Variants in AFG1L observed in about 807,000 individuals in gnomAD.
AFG1L encodes the protein AFG1 like ATPase.
In AFG1L, 53 loss-of-function variants were observed where a neutral mutation model predicts 62.2. The observed-to-expected ratio is 0.85, with a 90% CI of 0.68 to 1.07. AFG1L has a LOEUF of 1.07. Ranked by LOEUF, AFG1L falls within the 50% of genes least tolerant of loss-of-function variation. AFG1L has a pLI of 0.00. For missense variants in AFG1L, 555 were observed against 590.5 expected (o/e 0.94, Z 0.62); for synonymous variants, 228 against 210.3 (o/e 1.08, Z -0.73).
At position 108,324,641 on chromosome 6, in the gene AFG1L, G is replaced by A. The variant is rs559080834; in HGVS notation, c.363+593G>A. On this transcript the variant is annotated intron_variant, in intron 2 of 12. Coordinates refer to ENST00000368977, the MANE Select transcript of AFG1L (RefSeq NM_145315.5). Reference sequence around the variant, plus strand: ...GCAACTCACAACCCTGCATTCTGCCGACACCGCCTTGCTCTTGCCCTTAGC... The same window carrying A: ...GCAACTCACAACCCTGCATTCTGCCAACACCGCCTTGCTCTTGCCCTTAGC... Among the ~76,000 whole-genome samples the A allele has an allele frequency of 1.9e-4, 29 of 151,598 alleles. 1 individual carries two copies. The highest frequency in any genetic ancestry group is 1.2e-3 in the Admixed American group (19 of 15,228).
chr6:108,441,193 A>G (rs548853377), intron 7 of AFG1L, among the ~76,000 whole-genome samples: 1 of 152,346 alleles, frequency 6.6e-6, no homozygotes, highest in East Asian at 1.9e-4. Flanking sequence ...TAGAAGCTAT[A>G]TAAAGTTATT....
At chr6:108,421,114 CAA>C (rs1256343603) in intron 7 of AFG1L, among the ~76,000 whole-genome samples, 1 of 151,958 alleles carries the variant, frequency 6.6e-6, no homozygotes, top group South Asian at 2.1e-4. Flanking sequence ...AACTTTAATC[CAA>C]TAAACATTTC....
intron 7 of AFG1L, among the ~76,000 whole-genome samples, chr6:108,413,805 A>C (rs1056390097): frequency 6.6e-6 from 1 of 152,216 alleles, no homozygotes; most frequent in African/African-American, 2.4e-5. Context: ...AAATGCCCAC[A>C]AGAGAAAGCA....
At chr6:108,452,345 C>T (rs1772090887) in intron 8 of AFG1L, among the ~76,000 whole-genome samples, 7 of 152,150 alleles carry the variant, frequency 4.6e-5, no homozygotes, top group Admixed American at 4.6e-4. Flanking sequence ...TATTGTGAAG[C>T]GTTACTGGTT....
chr6:108,395,928 G>A (rs1259531451), intron 6 of AFG1L, among the ~76,000 whole-genome samples: 3 of 152,080 alleles, frequency 2.0e-5, no homozygotes, highest in African/African-American at 7.2e-5. Flanking sequence ...CTGCAACCTC[G>A]ACATACAGGG....
chr6:108,476,110 C>A (rs1773094211), intron 8 of AFG1L, among the ~76,000 whole-genome samples: 2 of 151,714 alleles, frequency 1.3e-5, no homozygotes, highest in African/African-American at 4.8e-5. Context: ...ATTTACCACC[C>A]CTCTTAAAAA....
At chr6:108,302,620 G>A (rs1465243822) in intron 1 of AFG1L, among the ~76,000 whole-genome samples, 1 of 152,052 alleles carries the variant, frequency 6.6e-6, no homozygotes, top group Non-Finnish European at 1.5e-5. Context: ...CCCTGGGCAC[G>A]GACTGTGTAG....
intron 7 of AFG1L, among the ~76,000 whole-genome samples, chr6:108,437,679 G>A (rs566833353): frequency 2.0e-5 from 3 of 152,228 alleles, no homozygotes; most frequent in South Asian, 4.1e-4. Flanking sequence ...GACTAAATAC[G>A]TAAAGGAAAT....
chr6:108,339,458 AT>A (rs538205129), intron 2 of AFG1L, among the ~76,000 whole-genome samples: 3,462 of 132,398 alleles, frequency 0.026, 44 homozygotes, highest in Middle Eastern at 0.064. Context: ...AATTCTTTAA[AT>A]TTTTTTTTTT....
chr6:108,471,753 A>T (rs1388296305), intron 8 of AFG1L, among the ~76,000 whole-genome samples: 1 of 152,132 alleles, frequency 6.6e-6, no homozygotes, highest in Non-Finnish European at 1.5e-5. Context: ...ATTTGAAAAC[A>T]TGCTGCCTCC....
intron 2 of AFG1L, among the ~76,000 whole-genome samples, chr6:108,331,885 A>AC (rs1220327992): frequency 6.6e-6 from 1 of 152,126 alleles, no homozygotes; most frequent in Non-Finnish European, 1.5e-5. Context: ...AGCCCAAGAG[A>AC]CCTGAGAATT....
intron 1 of AFG1L, among the ~76,000 whole-genome samples, chr6:108,299,857 G>A (rs1776912009): frequency 6.6e-6 from 1 of 152,068 alleles, no homozygotes. Flanking sequence ...CAGAAGAAGG[G>A]GGCCTCATAG....
chr6:108,319,232 T>A (rs535092818), intron 1 of AFG1L, among the ~76,000 whole-genome samples: 3 of 152,322 alleles, frequency 2.0e-5, no homozygotes, highest in African/African-American at 7.2e-5. Context: ...TTAAACACTT[T>A]AAAATTAATT....
chr6:108,329,781 G>A (rs995225568), intron 2 of AFG1L, among the ~76,000 whole-genome samples: 1 of 152,058 alleles, frequency 6.6e-6, no homozygotes, highest in South Asian at 2.1e-4. Context: ...TTCCAGTGAT[G>A]GAAAAACTCC....
At chr6:108,393,047 T>C (rs1255142054) in intron 6 of AFG1L, among the ~76,000 whole-genome samples, 1 of 152,144 alleles carries the variant, frequency 6.6e-6, no homozygotes, top group African/African-American at 2.4e-5. Context: ...GAGGTACTTA[T>C]ACCATTTTTT....
At position 108,520,085 on chromosome 6, in the gene AFG1L, A is replaced by G. The variant is rs183646089; in HGVS notation, c.1317+275A>G. ...CCCACGGAGGTGGACTAAGGTGCCCACAGTCACACTGCTGAATAATGGCAG... is the reference window on the plus strand; with the variant it reads ...CCCACGGAGGTGGACTAAGGTGCCCGCAGTCACACTGCTGAATAATGGCAG... On this transcript the variant is annotated intron_variant, in intron 12 of 12. Coordinates refer to ENST00000368977, the MANE Select transcript of AFG1L (RefSeq NM_145315.5). 209 of 265,674 alleles carry G rather than the reference A, an allele frequency of 7.9e-4. 3 individuals carry two copies. Among genetic ancestry groups the G allele is most frequent in the South Asian group, 6.0e-3 (127 of 21,046 alleles). 16.5% of individuals were successfully genotyped at this position (265,674 alleles called of 1,614,324 possible).
intron 8 of AFG1L, among the ~76,000 whole-genome samples, chr6:108,471,562 G>C (rs1772899047): frequency 6.8e-6 from 1 of 147,224 alleles, no homozygotes; most frequent in South Asian, 2.2e-4. Flanking sequence ...CCAGGTTCAA[G>C]TGATTCTCCT....
chr6:108,399,673 C>CTT (rs1215452077), intron 6 of AFG1L, among the ~76,000 whole-genome samples: 82 of 84,870 alleles, frequency 9.7e-4, no homozygotes, highest in African/African-American at 2.7e-3. Context: ...AATAGTTTTC[C>CTT]TTTTTTTTTT....
At chr6:108,478,038 GTC>G (rs1773185743) in intron 10 of AFG1L, among the ~76,000 whole-genome samples, 1 of 152,106 alleles carries the variant, frequency 6.6e-6, no homozygotes, top group Non-Finnish European at 1.5e-5. Context: ...ATTCTAGCTG[GTC>G]TCTGATTTAT....
Sources: allele counts gnomAD v4.1 joint callset (sites outside exome capture counted in the v4.1 genomes callset), GRCh38; gene constraint gnomAD v4.1.1; transcripts MANE v1.5; gene names NCBI Gene and HGNC (gene_info 2026-07-23, HGNC 2026-07-21).